Variants in SLC35H1 observed in about 807,000 individuals in gnomAD.
The protein encoded by SLC35H1 is solute carrier family 35 member H1.
At chr20:46,352,080 G>C in the SLC35H1 span, 2 of 1,614,226 alleles carry the variant, frequency 1.2e-6, no homozygotes, top group Non-Finnish European at 1.7e-6. Flanking sequence ...GAGAGAGTGA[G>C]GCTGGAGGTT....
At chr20:46,363,855 G>A in the SLC35H1 span, among the ~76,000 whole-genome samples, 1 of 152,318 alleles carries the variant, frequency 6.6e-6, no homozygotes, top group East Asian at 1.9e-4. Flanking sequence ...ACTGGTCCCA[G>A]CACCCGCCAC....
the SLC35H1 span, among the ~76,000 whole-genome samples, chr20:46,358,026 G>C: frequency 6.6e-6 from 1 of 152,226 alleles, no homozygotes; most frequent in Non-Finnish European, 1.5e-5. Flanking sequence ...ACACCTGTGA[G>C]CTACCTGCCC....
At chr20:46,358,547 G>A in the SLC35H1 span, 31 of 1,613,968 alleles carry the variant, frequency 1.9e-5, no homozygotes, top group East Asian at 5.3e-4. Flanking sequence ...GTCAGCGGGG[G>A]CAGGCACCCC....
chr20:46,358,498 C>T, the SLC35H1 span: 142 of 1,613,712 alleles, frequency 8.8e-5, 3 homozygotes, highest in South Asian at 1.5e-3. Flanking sequence ...CGAGGGCCCA[C>T]CTCCCCATTC....
the SLC35H1 span, chr20:46,358,970 CA>C: frequency 1.7e-6 from 1 of 590,662 alleles, no homozygotes; most frequent in East Asian, 2.9e-5. Flanking sequence ...TTTTAAAACA[CA>C]AACTGATCAT....
the SLC35H1 span, chr20:46,358,576 G>A: frequency 6.2e-7 from 1 of 1,611,252 alleles, no homozygotes; most frequent in African/African-American, 1.3e-5. Context: ...ACAATGTGCA[G>A]GAAGAGCCGG....
the SLC35H1 span, among the ~76,000 whole-genome samples, chr20:46,351,731 A>G: frequency 6.6e-6 from 1 of 152,234 alleles, no homozygotes; most frequent in South Asian, 2.1e-4. Context: ...GTTGGCAGTC[A>G]AGGTAAAATG....
the SLC35H1 span, chr20:46,355,973 A>G: frequency 6.4e-7 from 1 of 1,557,992 alleles, no homozygotes; most frequent in Middle Eastern, 1.7e-4. The surrounding 1 kb of genome is among the most constrained non-coding windows in gnomAD (Gnocchi z 4.8). Flanking sequence ...GAAATGACCA[A>G]ACAGAGCTGG....
chr20:46,354,394 C>T, the SLC35H1 span, among the ~76,000 whole-genome samples: 1 of 152,190 alleles, frequency 6.6e-6, no homozygotes, highest in South Asian at 2.1e-4. Context: ...CTGATTACTC[C>T]AGCATCTTGG....
chr20:46,354,818 G>A, the SLC35H1 span: 3 of 1,394,512 alleles, frequency 2.2e-6, no homozygotes, highest in Non-Finnish European at 3.0e-6. Context: ...ACTGTGTTGG[G>A]CTCAGGGCGA....
chr20:46,355,137 C>A, the SLC35H1 span: 1 of 1,614,114 alleles, frequency 6.2e-7, no homozygotes, highest in Non-Finnish European at 8.5e-7. This position sits in a 1 kb window ranked among gnomAD's most constrained non-coding sequence, Gnocchi z 4.8. Flanking sequence ...TGAACGAGGC[C>A]CCCAGCACCA....
At chr20:46,355,114 C>A in the SLC35H1 span, 2 of 1,613,966 alleles carry the variant, frequency 1.2e-6, no homozygotes, top group Admixed American at 1.7e-5. The surrounding 1 kb of genome is among the most constrained non-coding windows in gnomAD (Gnocchi z 4.8). Flanking sequence ...GAGGGTCCAG[C>A]GAATGCCACC....
chr20:46,351,966 C>T, the SLC35H1 span: 2 of 1,412,126 alleles, frequency 1.4e-6, no homozygotes, highest in Admixed American at 2.1e-5. Context: ...CCCTGGGGTG[C>T]AGGAGCTGGG....
At chr20:46,359,909 T>C in the SLC35H1 span, among the ~76,000 whole-genome samples, 1 of 152,178 alleles carries the variant, frequency 6.6e-6, no homozygotes, top group African/African-American at 2.4e-5. Flanking sequence ...CATTCTGCAC[T>C]CTGGAACTCT....
At chr20:46,355,693 C>A in the SLC35H1 span, 2 of 1,524,820 alleles carry the variant, frequency 1.3e-6, no homozygotes, top group East Asian at 4.5e-5. This position sits in a 1 kb window ranked among gnomAD's most constrained non-coding sequence, Gnocchi z 4.8. Flanking sequence ...GCCACCTGGA[C>A]TGGGCTTGTC....
chr20:46,350,783 G>A, the SLC35H1 span: 13 of 1,613,992 alleles, frequency 8.1e-6, no homozygotes, highest in African/African-American at 1.2e-4. Flanking sequence ...GGGCTTTGAG[G>A]GCAACGTGGA....
the SLC35H1 span, among the ~76,000 whole-genome samples, chr20:46,360,171 C>G: frequency 2.0e-5 from 3 of 152,200 alleles, no homozygotes; most frequent in African/African-American, 7.2e-5. Context: ...GAATGTAACT[C>G]TGTTTACATG....
chr20:46,356,839 C>A, the SLC35H1 span, among the ~76,000 whole-genome samples: 1 of 152,348 alleles, frequency 6.6e-6, no homozygotes, highest in Non-Finnish European at 1.5e-5. Flanking sequence ...AGCATTAGGG[C>A]TGGGGCCCAT....
the SLC35H1 span, chr20:46,353,314 C>T: frequency 2.0e-5 from 3 of 152,324 alleles, no homozygotes; most frequent in East Asian, 5.8e-4. Context: ...GCATGCACAC[C>T]CCCTACCCCA....
Sources: gnomAD v4.1 joint callset for allele counts (sites outside exome capture counted in the v4.1 genomes callset) on GRCh38, gnomAD v4.1.1 for gene constraint, Gnocchi (gnomAD v3.1) non-coding constraint, MANE v1.5 for transcripts, NCBI Gene and HGNC (gene_info 2026-07-23, HGNC 2026-07-21) for gene names.